HMOX1: variants seen among roughly 807,000 people sequenced by gnomAD.
HMOX1 encodes the protein heme oxygenase 1, also known as heat shock protein, 32-kD.
In HMOX1, 22 loss-of-function variants were observed where a neutral mutation model predicts 27.8. That is an observed-to-expected ratio of 0.79 (90% CI 0.57 to 1.13). The LOEUF (loss-of-function observed/expected upper bound fraction) is 1.13, where lower values mean the gene tolerates loss of function less well. HMOX1 is among the 50% of genes most tolerant of loss of function. The probability of loss-of-function intolerance (pLI) is 0.00; values close to 1 mark genes in which losing one functional copy is unlikely to be tolerated. For missense variants in HMOX1, 379 were observed against 377.7 expected, an observed-to-expected ratio of 1.00 and a Z score of -0.03; for synonymous variants, 153 against 151.6, an observed-to-expected ratio of 1.01 and a Z score of -0.07.
intron 2 of HMOX1, among the ~76,000 whole-genome samples, chr22:35,383,638 C>G (rs1429978928): frequency 1.3e-5 from 2 of 152,316 alleles, no homozygotes; most frequent in Middle Eastern, 3.4e-3. Context: ...CAGCCTTGTA[C>G]TCCTTGTATT....
rs760945849 is a variant in HMOX1 at position 35,393,529 on chromosome 22, G to A, written c.798G>A (p.Pro266=). Residue 266 remains proline (P), a synonymous_variant, in exon 5 of 5, where the codon CCG becomes CCA. Transcript: ENST00000216117. ...KPPLNTRSQA[P]LLRWVLTLSF... is the part of the protein sequence containing the mutation. ...CACTCAACACCCGCTCCCAGGCTCCGCTTCTCCGATGGGTCCTTACACTCA... is the reference window on the plus strand; with the variant it reads ...CACTCAACACCCGCTCCCAGGCTCCACTTCTCCGATGGGTCCTTACACTCA... 3.3e-5 allele frequency: 54 copies of A among 1,614,102 alleles called. No individual in the cohort carries two copies. Among genetic ancestry groups the A allele is most frequent in the African/African-American group, 4.0e-5 (3 of 74,948 alleles).
At chr22:35,389,365 TTCCTTCCTTCCTTCCTTCCTTCCTTC>T (rs1324489914) in intron 3 of HMOX1, among the ~76,000 whole-genome samples, 1 of 60,078 alleles carries the variant, frequency 1.7e-5, no homozygotes, top group Non-Finnish European at 3.0e-5. Flanking sequence ...CCTTCCTTCC[TTCCTTCCTTCCTTCCTTCCTTCCTTC>T]CTTCCTTTCT....
intron 1 of HMOX1, 52 bp downstream of exon 1, chr22:35,381,248 C>T (rs1931382913): frequency 6.5e-7 from 1 of 1,538,152 alleles, no homozygotes; most frequent in Admixed American, 1.9e-5. Flanking sequence ...CCCAACCCTG[C>T]TTGCGTCCTA....
At chr22:35,389,500 T>A (rs939177293) in intron 3 of HMOX1, among the ~76,000 whole-genome samples, 12 of 150,140 alleles carry the variant, frequency 8.0e-5, no homozygotes, top group Non-Finnish European at 1.8e-4. Flanking sequence ...TGGAGTGCAA[T>A]GGGGCGATCT....
Position 35,387,139 on chromosome 22 carries a change from T to C in HMOX1, c.599T>C (p.Ile200Thr), listed in dbSNP as rs548430137. 181 of 1,613,554 alleles carry C rather than the reference T, an allele frequency of 1.1e-4. 1 individual carries two copies. In the South Asian group the frequency reaches 1.7e-3, roughly 15 times the overall value. ...ACTCCCGCAGTCAGGCAGAGGGTGA[T>C]AGAAGAGGCCAAGACTGCGTTCCTG... ...EMTPAVRQRV[I>T]EEAKTAFLLN... Residue 200 changes from isoleucine (I) to threonine (T), a missense_variant, in exon 3 of 5, where the codon ATA (isoleucine) becomes ACA (threonine). Coordinates refer to ENST00000216117, the MANE Select transcript of HMOX1 (RefSeq NM_002133.3).
chr22:35,386,534 T>C, intron 2 of HMOX1, 151 bp from the exon 3 acceptor site: 1 of 936,878 alleles, frequency 1.1e-6, no homozygotes, highest in Non-Finnish European at 1.7e-6. Flanking sequence ...CTGGCTGCTG[T>C]GTGAAGAGGA....
Position 35,386,709 on chromosome 22 carries a change from A to G in HMOX1, c.169A>G (p.Ile57Val). Residue 57 changes from isoleucine to valine, a missense_variant, in exon 3 of 5, where the codon ATC becomes GTC. Ile to Val is a conservative substitution (Grantham distance 29). Transcript: ENST00000216117. ...FKLVMASLYH[I>V]YVALEEEIER... Reference sequence around the variant, plus strand: ...GCTGGTGATGGCCTCCCTGTACCACATCTATGTGGCCCTGGAGGAGGAGAT... The same window carrying G: ...GCTGGTGATGGCCTCCCTGTACCACGTCTATGTGGCCCTGGAGGAGGAGAT... The G allele has an allele frequency of 6.2e-7, 1 of 1,614,128 alleles. No homozygotes were observed. The highest frequency in any genetic ancestry group is 1.1e-5 in the South Asian group (1 of 91,076).
chr22:35,386,963 G>C lies in HMOX1; in HGVS notation c.423G>C (p.Leu141=). The C allele has an allele frequency of 6.2e-7, 1 of 1,614,086 alleles. No individual in the cohort carries two copies. The highest frequency in any genetic ancestry group is 8.5e-7 in the Non-Finnish European group (1 of 1,180,040). ...CCTACACCCGCTACCTGGGTGACCT[G>C]TCTGGGGGCCAGGTGCTCAAAAAGA... is the stretch of plus-strand genomic sequence containing the variant. ...AHAYTRYLGD[L]SGGQVLKKIA... The change falls in exon 3 of 5, where the codon CTG becomes CTC. Residue 141 remains leucine, a synonymous_variant. Transcript: ENST00000216117.
At chr22:35,386,157 C>T (rs1213276401) in intron 2 of HMOX1, among the ~76,000 whole-genome samples, 1 of 151,582 alleles carries the variant, frequency 6.6e-6, no homozygotes, top group East Asian at 1.9e-4. Flanking sequence ...GGGGTTTCAC[C>T]TTGTTAGCCA....
chr22:35,389,345 TTCCTTCCTTCCTTC>T, intron 3 of HMOX1, among the ~76,000 whole-genome samples: 1 of 32,618 alleles, frequency 3.1e-5, no homozygotes, highest in Non-Finnish European at 5.3e-5. Context: ...TTTCTTCTCC[TTCCTTCCTTCCTTC>T]CTTCCTTCCT....
intron 4 of HMOX1, among the ~76,000 whole-genome samples, chr22:35,391,348 C>T (rs1319721481): frequency 1.3e-5 from 2 of 151,768 alleles, no homozygotes; most frequent in African/African-American, 2.4e-5. Flanking sequence ...AGTGCAGTGG[C>T]ATGATCTCGG....
chr22:35,385,117 C>G (rs1350905262), intron 2 of HMOX1, among the ~76,000 whole-genome samples: 1 of 152,134 alleles, frequency 6.6e-6, no homozygotes, highest in Non-Finnish European at 1.5e-5. Context: ...GTTAGTGCCC[C>G]AAGCCAAGGT....
rs11555830 is a variant in HMOX1 at position 35,386,878 on chromosome 22, G to A, written c.338G>A (p.Arg113His). 65 of 1,614,118 alleles carry A rather than the reference G, an allele frequency of 4.0e-5. 1 individual carries two copies. The highest frequency in any genetic ancestry group is 4.0e-4 in the African/African-American group (30 of 75,066). ...ATCCCCTACACACCAGCCATGCAGC[G>A]CTATGTGAAGCGGCTCCACGAGGTG... ...EVIPYTPAMQ[R>H]YVKRLHEVGR... The change falls in exon 3 of 5, where the codon CGC (arginine) becomes CAC (histidine). Residue 113 changes from arginine (R) to histidine (H), a missense_variant. Physicochemically the swap from Arg to His is conservative, Grantham distance 29. Transcript: ENST00000216117.
At chr22:35,383,062 A>AC in intron 1 of HMOX1, 44 bp from the exon 2 acceptor site, 2 of 1,609,660 alleles carry the variant, frequency 1.2e-6, no homozygotes, top group Non-Finnish European at 1.7e-6. Flanking sequence ...GAAGGACCCC[A>AC]CCCCCAGCCA....
rs1257091981 is a variant in HMOX1, at chr22:35,389,313, T to C, written c.637-551T>C. 2.7e-4 allele frequency among the ~76,000 whole-genome samples: 34 copies of C among 127,742 alleles called. 2 individuals are homozygous for C. The highest frequency in any genetic ancestry group is 1.2e-3 in the African/African-American group (30 of 25,752). The allele number at this position is 127,742 out of a possible 152,430, so 83.8% of individuals were successfully genotyped here. A position where few individuals can be genotyped will look rare whatever the true frequency, so the allele number is the denominator to read the frequency against. ...TCTTCTTTCTTCTTTCTTTCTTTCT[T>C]TCTTTCTTCTTTCTTTCTTTCTTTC... On this transcript the variant is annotated intron_variant, in intron 3 of 4. Coordinates refer to ENST00000216117, the MANE Select transcript of HMOX1 (RefSeq NM_002133.3).
Position 35,393,814 on chromosome 22 carries a change from AG to A in HMOX1, c.*221del. 1.7e-6 allele frequency: 1 copy of A among 583,902 alleles called. No homozygotes were observed. Among genetic ancestry groups the A allele is most frequent in the South Asian group, 1.8e-5 (1 of 56,786 alleles). 36.2% of individuals were successfully genotyped at this position (583,902 alleles called of 1,614,324 possible). On this transcript the variant is annotated 3_prime_UTR_variant, in exon 5 of 5. Transcript: ENST00000216117. ...ATCCAGGCAATGGCCTAAACTTCAG[AG>A]GGGGCGAAGGGATCAGCCCTGCCCT...
At chr22:35,382,188 C>T (rs1446982996) in intron 1 of HMOX1, among the ~76,000 whole-genome samples, 1 of 152,154 alleles carries the variant, frequency 6.6e-6, no homozygotes, top group African/African-American at 2.4e-5. Flanking sequence ...GCTGTACCTC[C>T]TCCTCCTCTC....
intron 2 of HMOX1, 148 bp from the exon 3 acceptor site, chr22:35,386,537 G>A: frequency 2.1e-6 from 2 of 958,622 alleles, no homozygotes; most frequent in Non-Finnish European, 3.3e-6. Flanking sequence ...GCTGCTGTGT[G>A]AAGAGGATTG....
At chr22:35,384,468 C>T (rs1318945535) in intron 2 of HMOX1, among the ~76,000 whole-genome samples, 1 of 152,030 alleles carries the variant, frequency 6.6e-6, no homozygotes, top group African/African-American at 2.4e-5. Flanking sequence ...CCTCATCCTC[C>T]TCCCCTCTCC....
Sources: gnomAD v4.1 joint callset for allele counts (sites outside exome capture counted in the v4.1 genomes callset) on GRCh38, gnomAD v4.1.1 for gene constraint, MANE v1.5 for transcripts, NCBI Gene and HGNC (gene_info 2026-07-23, HGNC 2026-07-21) for gene names.